The following SLC24A3 variants were observed in gnomAD, a reference collection of about 807,000 sequenced individuals.
The protein encoded by SLC24A3 is solute carrier family 24 member 3.
SLC24A3 carries 28 observed loss-of-function variants against 75.8 expected under a neutral mutation model. The ratio of observed to expected loss-of-function variants is 0.37; its 90% CI spans 0.27 to 0.51. SLC24A3 has a LOEUF of 0.51. Among genes scored for constraint, SLC24A3 ranks in the 20% least tolerant of loss-of-function variants. The probability of loss-of-function intolerance (pLI) is 0.94; values close to 1 mark genes in which losing one functional copy is unlikely to be tolerated. For missense variants in SLC24A3, 663 were observed against 847.8 expected (o/e 0.78, Z 2.71); for synonymous variants, 372 against 334.1 (o/e 1.11, Z -1.24).
chr20:19,528,662 A>G (rs569278289), intron 3 of SLC24A3, among the ~76,000 whole-genome samples: 9 of 152,282 alleles, frequency 5.9e-5, no homozygotes, highest in Admixed American at 5.9e-4. Context: ...CTACCTTCTC[A>G]GCTGTGTCAT....
intron 12 of SLC24A3, among the ~76,000 whole-genome samples, chr20:19,690,786 T>G (rs894555325): frequency 3.9e-5 from 6 of 152,190 alleles, no homozygotes; most frequent in African/African-American, 1.4e-4. Flanking sequence ...GTCTCTATGT[T>G]CTCATCATTC....
At chr20:19,358,174 C>G (rs1007205740) in intron 2 of SLC24A3, among the ~76,000 whole-genome samples, 1 of 152,148 alleles carries the variant, frequency 6.6e-6, no homozygotes, top group Non-Finnish European at 1.5e-5. Flanking sequence ...ATTTTCCTGT[C>G]AAAAATCCAG....
At chr20:19,700,587 C>G (rs2032859103) in intron 15 of SLC24A3, among the ~76,000 whole-genome samples, 1 of 152,220 alleles carries the variant, frequency 6.6e-6, no homozygotes, top group African/African-American at 2.4e-5. Flanking sequence ...GATTAAATGA[C>G]AATCACCCAG....
At chr20:19,357,389 C>A (rs1985707209) in intron 2 of SLC24A3, among the ~76,000 whole-genome samples, 1 of 152,200 alleles carries the variant, frequency 6.6e-6, no homozygotes, top group Non-Finnish European at 1.5e-5. Context: ...GAAGCAAATT[C>A]ATGGATCAAA....
intron 4 of SLC24A3, among the ~76,000 whole-genome samples, chr20:19,581,615 C>A (rs745404649): frequency 2.0e-5 from 3 of 152,168 alleles, no homozygotes; most frequent in African/African-American, 7.2e-5. Context: ...ATGGTTCAGT[C>A]GCTAAACAGT....
chr20:19,461,020 G>T (rs1029714143), intron 2 of SLC24A3, among the ~76,000 whole-genome samples: 1 of 152,130 alleles, frequency 6.6e-6, no homozygotes, highest in Non-Finnish European at 1.5e-5. Context: ...GCCAGCGGAG[G>T]GATTGGGGGC....
chr20:19,654,648 T>C lies in SLC24A3; in HGVS notation c.687+512T>C, dbSNP rs1465286515. ...ATGTCCCTAAATAGAATCCTTTTTTTTTTTTTTTTTTTTTTTTGAGATAGA... is the reference window on the plus strand; with the variant it reads ...ATGTCCCTAAATAGAATCCTTTTTTCTTTTTTTTTTTTTTTTTGAGATAGA... On this transcript the variant is annotated intron_variant, in intron 7 of 16. Transcript: ENST00000328041. Among the ~76,000 whole-genome samples, 28 of 144,250 alleles carry C rather than the reference T, an allele frequency of 1.9e-4. 1 individual carries two copies. In the South Asian group the frequency reaches 6.6e-3, roughly 34 times the overall value. The allele number at this position is 144,250 out of a possible 152,430, so 94.6% of individuals were successfully genotyped here. A position where few individuals can be genotyped will look rare whatever the true frequency, so the allele number is the denominator to read the frequency against.
At position 19,673,626 on chromosome 20, in the gene SLC24A3, A is replaced by C; in HGVS notation, c.739A>C (p.Met247Leu). The C allele has an allele frequency of 6.2e-7, 1 of 1,614,084 alleles. No individual in the cohort carries two copies. The change falls in exon 9 of 17, where the codon ATG (methionine) becomes CTG (leucine). Residue 247 changes from methionine (M) to leucine (L), a missense_variant. Physicochemically the swap from Met to Leu is conservative, Grantham distance 15. This residue lies in a region of SLC24A3 where 510 missense variants were observed against 703.6 expected (regional missense o/e 0.72). Transcript: ENST00000328041. ...SWWESLVLVL[M>L]YLIYIVIMKY... ...GTGGGAGTCTTTAGTCCTTGTGCTG[A>C]TGTATCTTATCTACATTGTCATCAT... is the stretch of plus-strand genomic sequence containing the variant.
intron 2 of SLC24A3, among the ~76,000 whole-genome samples, chr20:19,442,559 T>C (rs570625630): frequency 6.6e-6 from 1 of 152,348 alleles, no homozygotes; most frequent in Non-Finnish European, 1.5e-5. Context: ...TTGGGTTGTT[T>C]GCGTATTGTT....
At chr20:19,285,084 G>A (rs187750675) in intron 2 of SLC24A3, among the ~76,000 whole-genome samples, 9 of 152,218 alleles carry the variant, frequency 5.9e-5, no homozygotes, top group African/African-American at 2.2e-4. Flanking sequence ...AAAACCAGGA[G>A]CACAGAGTGC....
At chr20:19,419,673 T>C (rs1451208208) in intron 2 of SLC24A3, among the ~76,000 whole-genome samples, 1 of 152,022 alleles carries the variant, frequency 6.6e-6, no homozygotes, top group Non-Finnish European at 1.5e-5. Flanking sequence ...GGTAGGATCT[T>C]TGCAGCAGCT....
rs768941028 is a variant in SLC24A3 at position 19,721,146 on chromosome 20, C to T, written c.*6C>T. Reference sequence around the variant, plus strand: ...CCATGTGCGGGGACCACTGAGCCGCCGGGTGCCCACAGAGGCTCAGCTCCT... The same window carrying T: ...CCATGTGCGGGGACCACTGAGCCGCTGGGTGCCCACAGAGGCTCAGCTCCT... On this transcript the variant is annotated 3_prime_UTR_variant, in exon 17 of 17. Transcript: ENST00000328041. 9.9e-6 allele frequency: 16 copies of T among 1,613,804 alleles called. No homozygotes were observed. The highest frequency in any genetic ancestry group is 1.7e-4 in the Middle Eastern group (1 of 6,060).
chr20:19,682,560 A>G (rs2032627304), intron 10 of SLC24A3, among the ~76,000 whole-genome samples: 1 of 152,234 alleles, frequency 6.6e-6, no homozygotes, highest in Non-Finnish European at 1.5e-5. Flanking sequence ...AAAGGAAAGG[A>G]GACCCTAGGT....
In SLC24A3 at chr20:19,268,142, G is replaced by A. The variant is rs1600401916; in HGVS notation, c.143-12817G>A. 2.6e-5 allele frequency among the ~76,000 whole-genome samples: 4 copies of A among 152,274 alleles called. No homozygotes were observed. In the South Asian group the frequency reaches 6.2e-4, roughly 24 times the overall value. On this transcript the variant is annotated intron_variant, in intron 1 of 16. Coordinates refer to ENST00000328041, the MANE Select transcript of SLC24A3 (RefSeq NM_020689.4). ...ATCATGCTGTGATAATAGGAAAGTA[G>A]GTGAGCTAGGAAGGGCACCAGGTCC...
At chr20:19,567,883 T>A (rs992152982) in intron 3 of SLC24A3, among the ~76,000 whole-genome samples, 4 of 152,140 alleles carry the variant, frequency 2.6e-5, no homozygotes, top group African/African-American at 9.7e-5. Flanking sequence ...AAATCGTATA[T>A]CTGATAAGGG....
intron 2 of SLC24A3, among the ~76,000 whole-genome samples, chr20:19,467,934 A>C (rs1338025113): frequency 6.6e-6 from 1 of 151,882 alleles, no homozygotes; most frequent in Non-Finnish European, 1.5e-5. Flanking sequence ...CCAGGAGCAG[A>C]GGTAACCAAG....
intron 3 of SLC24A3, among the ~76,000 whole-genome samples, chr20:19,542,954 A>C (rs1555851): frequency 0.49 from 74,073 of 152,038 alleles, 18,174 homozygotes; most frequent in Non-Finnish European, 0.5. Flanking sequence ...GCATCTGTAC[A>C]ATGGGGATAA....
chr20:19,405,684 T>G (rs913606586), intron 2 of SLC24A3, among the ~76,000 whole-genome samples: 1 of 152,194 alleles, frequency 6.6e-6, no homozygotes, highest in African/African-American at 2.4e-5. Flanking sequence ...TGCATTTGGT[T>G]TCAGTGCTGT....
At chr20:19,458,977 AGTGG>A (rs1285607455) in intron 2 of SLC24A3, among the ~76,000 whole-genome samples, 1 of 152,122 alleles carries the variant, frequency 6.6e-6, no homozygotes, top group Admixed American at 6.5e-5. Context: ...AGCCCATTGG[AGTGG>A]TTAAGATAGT....
Sources: gnomAD v4.1 joint callset for allele counts (sites outside exome capture counted in the v4.1 genomes callset) on GRCh38, gnomAD v4.1.1 for gene constraint, gnomAD v4.1.1 regional missense constraint, MANE v1.5 for transcripts, NCBI Gene and HGNC (gene_info 2026-07-23, HGNC 2026-07-21) for gene names.